EPG5: variants seen among roughly 807,000 people sequenced by gnomAD.
EPG5 encodes ectopic P granules protein 5 homolog.
A neutral mutation model predicts 302.7 loss-of-function variants in EPG5; 159 were observed. The observed-to-expected ratio is 0.53, with a 90% confidence interval of 0.46 to 0.60. The LOEUF is 0.60. Among genes scored for constraint, EPG5 ranks in the 20% least tolerant of loss-of-function variants. The pLI, the probability that EPG5 is intolerant of heterozygous loss-of-function variation, is 0.00. For missense variants in EPG5, 2,896 were observed against 3,092.4 expected, an observed-to-expected ratio of 0.94 and a Z score of 1.51; for synonymous variants, 1,158 against 1,136.8, an observed-to-expected ratio of 1.02 and a Z score of -0.37.
chr18:45,964,053 C>T (rs572633687), intron 1 of EPG5, among the ~76,000 whole-genome samples: 32 of 152,206 alleles, frequency 2.1e-4, no homozygotes, highest in Admixed American at 1.8e-3. Flanking sequence ...GAAATAAAGG[C>T]CTCTTCATAA....
downstream of EPG5, among the ~76,000 whole-genome samples, chr18:45,846,689 C>T (rs1400950921): frequency 5.3e-5 from 8 of 152,014 alleles, no homozygotes; most frequent in East Asian, 1.2e-3. Flanking sequence ...TCTTGGACCT[C>T]GAGCAAGAAA....
chr18:45,854,873 C>T (rs962606995), intron 43 of EPG5, among the ~76,000 whole-genome samples: 3 of 152,076 alleles, frequency 2.0e-5, no homozygotes, highest in South Asian at 2.1e-4. Flanking sequence ...AAAATAAAGT[C>T]GTTTCTGTGC....
the EPG5 span, among the ~76,000 whole-genome samples, chr18:45,806,938 G>A: frequency 1.3e-5 from 2 of 152,164 alleles, no homozygotes; most frequent in African/African-American, 4.8e-5. Flanking sequence ...AGACATACTT[G>A]CTACTGCAGC....
In EPG5 at chr18:45,926,550, G is replaced by C. The variant is rs192145507; in HGVS notation, c.2554-648C>G. On this transcript the variant is annotated intron_variant, in intron 13 of 43. Transcript: ENST00000282041. The stretch of plus-strand genomic sequence containing the variant: ...TGCAAATTAAGATAAATCTGGGCCA[G>C]GCATGATGGCTCATGCCTGTAATCC... Among the ~76,000 whole-genome samples the C allele has an allele frequency of 2.0e-5, 3 of 152,278 alleles. No homozygotes were observed. In the East Asian group the frequency reaches 5.8e-4, roughly 29 times the overall value.
chr18:45,945,945 C>T (rs2050777823), intron 7 of EPG5, among the ~76,000 whole-genome samples: 1 of 152,198 alleles, frequency 6.6e-6, no homozygotes, highest in African/African-American at 2.4e-5. Flanking sequence ...TGGCTGGACA[C>T]TTTCATCTCC....
At position 45,906,948 on chromosome 18, in the gene EPG5, C is replaced by T. The variant is rs2049766322; in HGVS notation, c.4329+1010G>A. Among the ~76,000 whole-genome samples, 7 of 152,320 alleles carry T rather than the reference C, an allele frequency of 4.6e-5. No homozygotes were observed. The South Asian group carries it at 1.4e-3, about 32-fold the overall frequency. ...TGGGATTACAGGCGTGGGCCATGCA[C>T]CTGGCCCATAATCTTGATCACAAAA... On this transcript the variant is annotated intron_variant, in intron 24 of 43. Coordinates refer to ENST00000282041, the MANE Select transcript of EPG5 (RefSeq NM_020964.3).
In EPG5 at chr18:45,870,591, C is replaced by T. The variant is rs2145309151; in HGVS notation, c.6201G>A (p.Gln2067=). The T allele has an allele frequency of 4.3e-6, 7 of 1,613,592 alleles. No individual in the cohort carries two copies. The highest frequency in any genetic ancestry group is 1.7e-4 in the Middle Eastern group (1 of 6,058). Residue 2067 remains glutamine (Q), a synonymous_variant, in exon 36 of 44, where the codon CAG becomes CAA. Transcript: ENST00000282041. ...CTTTGAAGAAGGCCTCCATGAGCAT[C>T]TGGTCAGGGTGCAGGTCCTTCCATG... ...KLPWKDLHPD[Q]MLMEAFFKVE...
the EPG5 span, among the ~76,000 whole-genome samples, chr18:45,807,704 C>A: frequency 6.6e-6 from 1 of 152,092 alleles, no homozygotes; most frequent in Non-Finnish European, 1.5e-5. Flanking sequence ...AAGGGAACAC[C>A]CTGTGGGACA....
rs2050054991 is a variant in EPG5 at position 45,917,305 on chromosome 18, T to TAA, written c.3239+373_3239+374insTT. ...TATCTGTTTGCAACACTGCACTATG[T>TAA]GCACTGTAAACAATTTAAAACAATC... On this transcript the variant is annotated intron_variant, in intron 17 of 43. Coordinates refer to ENST00000282041, the MANE Select transcript of EPG5 (RefSeq NM_020964.3). Among the ~76,000 whole-genome samples the TAA allele has an allele frequency of 6.6e-5, 10 of 152,366 alleles. No individual in the cohort carries two copies. The South Asian group carries it at 2.1e-3, about 32-fold the overall frequency.
At chr18:45,857,712 T>TC in intron 42 of EPG5, 141 bp downstream of exon 42, 2 of 639,560 alleles carry the variant, frequency 3.1e-6, no homozygotes, top group South Asian at 2.3e-5. Flanking sequence ...TGTTTTTTTT[T>TC]TCTTTTTTTT....
chr18:45,917,355 C>T (rs946605165), intron 17 of EPG5, among the ~76,000 whole-genome samples: 1 of 152,176 alleles, frequency 6.6e-6, no homozygotes, highest in Admixed American at 6.5e-5. Flanking sequence ...AATGGCAAAC[C>T]ATTTGCTGCT....
chr18:45,951,299 T>C, intron 3 of EPG5, 61 bp from the exon 4 acceptor site: 2 of 1,242,008 alleles, frequency 1.6e-6, no homozygotes, highest in Middle Eastern at 2.8e-4. Context: ...GAATTTTTAG[T>C]GTCTTCACTT....
At chr18:45,825,848 A>G in the EPG5 span, 2 of 1,584,860 alleles carry the variant, frequency 1.3e-6, no homozygotes, top group Non-Finnish European at 1.7e-6. Context: ...TCTTAGGTAC[A>G]GTCTCCCCTG....
Position 45,928,983 on chromosome 18 carries a change from T to G in EPG5, c.2439A>C (p.Arg813Ser), listed in dbSNP as rs763399377. The G allele has an allele frequency of 7.4e-6, 12 of 1,613,892 alleles. No homozygotes were observed. In the South Asian group the frequency reaches 1.3e-4, roughly 18 times the overall value. Reference protein sequence around the residue: ...YEVSYVTLSTRETFSKVGREL... With the variant: ...YEVSYVTLSTSETFSKVGREL... ...CTCGACCAACCTTTGAAAAAGTCTC[T>G]CTGGTAGACAAGGTGACATAAGATA... The change falls in exon 13 of 44, where the codon AGA becomes AGC. Residue 813 changes from arginine to serine, a missense_variant. Around this residue, in one of 5 missense-constraint regions of EPG5, gnomAD observed 1,390 missense variants for 1,430.0 expected, o/e 0.97. Transcript: ENST00000282041.
intron 6 of EPG5, among the ~76,000 whole-genome samples, chr18:45,946,974 T>C (rs906209817): frequency 1.3e-5 from 2 of 152,198 alleles, no homozygotes; most frequent in African/African-American, 4.8e-5. Flanking sequence ...TTAGTAATGA[T>C]GAATAATTGC....
the EPG5 span, among the ~76,000 whole-genome samples, chr18:45,816,028 A>G: frequency 6.6e-6 from 1 of 152,232 alleles, no homozygotes; most frequent in African/African-American, 2.4e-5. Flanking sequence ...AAACAAAAAC[A>G]TAAAGTGGAG....
intron 16 of EPG5, among the ~76,000 whole-genome samples, chr18:45,921,637 T>C (rs2050156338): frequency 6.6e-6 from 1 of 152,178 alleles, no homozygotes; most frequent in African/African-American, 2.4e-5. Flanking sequence ...TACAGACAGC[T>C]ATGGGCTCAT....
intron 12 of EPG5, among the ~76,000 whole-genome samples, chr18:45,929,309 T>G (rs1443658785): frequency 6.6e-6 from 1 of 152,148 alleles, no homozygotes; most frequent in Non-Finnish European, 1.5e-5. Context: ...TTTCAAAACT[T>G]TTCTAAATCT....
intron 7 of EPG5, among the ~76,000 whole-genome samples, chr18:45,945,554 A>T (rs1311609883): frequency 6.6e-6 from 1 of 152,192 alleles, no homozygotes; most frequent in East Asian, 1.9e-4. Flanking sequence ...TTTGACTGGA[A>T]GTATTTATAA....
Sources: gnomAD v4.1 joint callset for allele counts (sites outside exome capture counted in the v4.1 genomes callset) on GRCh38, gnomAD v4.1.1 for gene constraint, gnomAD v4.1.1 regional missense constraint, MANE v1.5 for transcripts, NCBI Gene and HGNC (gene_info 2026-07-23, HGNC 2026-07-21) for gene names.